The following MVK variants were observed in gnomAD, a reference collection of about 807,000 sequenced individuals.
MVK encodes mevalonate kinase.
MVK carries 34 observed loss-of-function variants against 43.2 expected under a neutral mutation model. The ratio of observed to expected loss-of-function variants is 0.79; its 90% confidence interval spans 0.60 to 1.05. MVK has a LOEUF of 1.05. Among genes scored for constraint, MVK ranks in the 50% least tolerant of loss-of-function variants. The probability of loss-of-function intolerance (pLI) is 0.00; values close to 1 mark genes in which losing one functional copy is unlikely to be tolerated. For missense variants in MVK, 395 were observed against 504.0 expected (o/e 0.78, Z 2.07); for synonymous variants, 190 against 219.8 (o/e 0.86, Z 1.20).
At chr12:109,573,484 C>G (rs372195202), upstream of MVK, 3,021 of 1,600,718 alleles carry the variant, frequency 1.9e-3, 5 homozygotes, top group Non-Finnish European at 2.4e-3. Flanking sequence ...CAGCCATGAG[C>G]CAGGCTGCTT....
intron 9 of MVK, among the ~76,000 whole-genome samples, chr12:109,593,172 G>A (rs538181293): frequency 4.6e-5 from 7 of 152,354 alleles, no homozygotes; most frequent in South Asian, 2.1e-4. Flanking sequence ...GTGCTCAGGC[G>A]CAGAGAGCGG....
chr12:109,587,442 C>G (rs919594957), intron 7 of MVK, among the ~76,000 whole-genome samples: 2 of 152,162 alleles, frequency 1.3e-5, no homozygotes, highest in African/African-American at 4.8e-5. Flanking sequence ...ATTTCAGCAT[C>G]CTCTGTTCTG....
chr12:109,586,535 G>A (rs1161190738), intron 6 of MVK, among the ~76,000 whole-genome samples: 1 of 152,184 alleles, frequency 6.6e-6, no homozygotes, highest in Non-Finnish European at 1.5e-5. Context: ...TGGAGGGAGG[G>A]GGACCCAGGA....
chr12:109,593,817 A>C (rs1164379207), intron 9 of MVK, among the ~76,000 whole-genome samples: 1 of 146,698 alleles, frequency 6.8e-6, no homozygotes, highest in Non-Finnish European at 1.5e-5. Context: ...TCCCAGGTTC[A>C]AATGATCCTC....
At chr12:109,575,806 T>A (rs958134807) in intron 2 of MVK, among the ~76,000 whole-genome samples, 192 bp from the exon 3 acceptor site, 8 of 152,226 alleles carry the variant, frequency 5.3e-5, no homozygotes, top group Non-Finnish European at 7.3e-5. Context: ...AAGTGGATTT[T>A]AACTTTTAGC....
At chr12:109,590,625 C>T in intron 7 of MVK, 146 bp from the exon 8 acceptor site, 2 of 729,416 alleles carry the variant, frequency 2.7e-6, no homozygotes, top group East Asian at 5.4e-5. Context: ...GCAGCAGAAG[C>T]CCCATGCTCC....
chr12:109,579,990 T>C (rs534312487), intron 4 of MVK, 44 bp downstream of exon 4: 2 of 1,613,362 alleles, frequency 1.2e-6, no homozygotes, highest in African/African-American at 1.3e-5. Context: ...CAGCCTCCCA[T>C]GGAGAAAAAG....
chr12:109,590,740 A>C, intron 7 of MVK, 31 bp from the exon 8 acceptor site: 1 of 1,603,432 alleles, frequency 6.2e-7, no homozygotes, highest in Non-Finnish European at 8.5e-7. Flanking sequence ...TCTTGAGTTC[A>C]GTGTGGACCT....
chr12:109,573,681 T>A (rs66647925), upstream of MVK: 6,702 of 667,174 alleles, frequency 0.01, 63 homozygotes, highest in Non-Finnish European at 0.014. Context: ...CGTGTCGGCT[T>A]GGCTGCAACA....
At chr12:109,582,897 C>G (rs1885280589) in intron 5 of MVK, among the ~76,000 whole-genome samples, 1 of 152,092 alleles carries the variant, frequency 6.6e-6, no homozygotes. Context: ...AGTGGTGTGT[C>G]TGGAATGCAC....
At chr12:109,584,572 G>A (rs1885357083) in intron 5 of MVK, among the ~76,000 whole-genome samples, 1 of 152,208 alleles carries the variant, frequency 6.6e-6, no homozygotes, top group Non-Finnish European at 1.5e-5. Context: ...CAGTGAGTCA[G>A]TGATAGGATG....
At chr12:109,594,953 G>A in intron 9 of MVK, 75 bp from the exon 10 acceptor site, 1 of 1,589,178 alleles carries the variant, frequency 6.3e-7, no homozygotes, top group East Asian at 2.2e-5. Context: ...AGATGGACGA[G>A]GCAGGCTCAG....
At chr12:109,590,972 T>C in intron 8 of MVK, 111 bp downstream of exon 8, 1 of 1,186,500 alleles carries the variant, frequency 8.4e-7, no homozygotes, top group East Asian at 2.5e-5. Flanking sequence ...TGGTGGGTGG[T>C]GGGGGCCCTT....
rs540764268 is a variant in MVK at position 109,590,346 on chromosome 12, C to T, written c.678-425C>T. 22 of 325,956 alleles carry T rather than the reference C, an allele frequency of 6.7e-5. 2 individuals carry two copies. Among genetic ancestry groups the T allele is most frequent in the South Asian group, 5.4e-4 (20 of 37,206 alleles). The allele number at this position is 325,956 out of a possible 1,614,324, so 20.2% of individuals were successfully genotyped here. ...TGTGCCGGGTTCCGCCACCTCCAGG[C>T]TCACACAGGCTGCTCCAACTGCCAG... On this transcript the variant is annotated intron_variant, in intron 7 of 10. Transcript: ENST00000228510.
At chr12:109,585,635 G>T (rs1885401955) in intron 5 of MVK, among the ~76,000 whole-genome samples, 6 of 152,168 alleles carry the variant, frequency 3.9e-5, no homozygotes, top group Admixed American at 3.9e-4. Context: ...TGGGCGTGCT[G>T]GTGTGCACCT....
At chr12:109,584,839 C>T (rs943584052) in intron 5 of MVK, among the ~76,000 whole-genome samples, 15 of 152,130 alleles carry the variant, frequency 9.9e-5, no homozygotes, top group African/African-American at 3.6e-4. Flanking sequence ...GAGCTGAGAT[C>T]GTGCCACAGC....
At position 109,595,149 on chromosome 12, in the gene MVK, G is replaced by A; in HGVS notation, c.1007G>A (p.Gly336Asp). Reference protein sequence around the residue: ...GLHSKLTGAGGGGCGITLLKP... With the variant: ...GLHSKLTGAGDGGCGITLLKP... ...CACAGCAAGCTGACTGGCGCAGGCGGTGGTGGCTGTGGCATCACACTCCTC... is the reference window on the plus strand; with the variant it reads ...CACAGCAAGCTGACTGGCGCAGGCGATGGTGGCTGTGGCATCACACTCCTC... Residue 336 changes from glycine to aspartate, a missense_variant, in exon 10 of 11, where the codon GGT becomes GAT. Gly to Asp is a moderately conservative substitution (Grantham distance 94). Coordinates refer to ENST00000228510, the MANE Select transcript of MVK (RefSeq NM_000431.4). The surrounding 1 kb of genome is among the most constrained non-coding windows in gnomAD (Gnocchi z 5.9). 1 of 1,614,140 alleles carries A rather than the reference G, an allele frequency of 6.2e-7. No homozygotes were observed. Among genetic ancestry groups the A allele is most frequent in the Non-Finnish European group, 8.5e-7 (1 of 1,180,026 alleles).
chr12:109,585,252 G>C (rs1885385925), intron 5 of MVK, among the ~76,000 whole-genome samples: 2 of 152,178 alleles, frequency 1.3e-5, no homozygotes, highest in Non-Finnish European at 2.9e-5. Context: ...CTACTTGCAG[G>C]GCCCTGGGAA....
At chr12:109,587,060 T>G in intron 7 of MVK, 1 of 507,896 alleles carries the variant, frequency 2.0e-6, no homozygotes, top group Non-Finnish European at 3.6e-6. Flanking sequence ...GACTCTCAGC[T>G]GCTCATTCAT....
Sources: allele counts gnomAD v4.1 joint callset (sites outside exome capture counted in the v4.1 genomes callset), GRCh38; gene constraint gnomAD v4.1.1; non-coding constraint Gnocchi (gnomAD v3.1); transcripts MANE v1.5; gene names NCBI Gene and HGNC (gene_info 2026-07-23, HGNC 2026-07-21).